The following GPD2 variants were observed in gnomAD, a reference collection of about 807,000 sequenced individuals.
GPD2 encodes the protein glycerol-3-phosphate dehydrogenase, mitochondrial.
In GPD2, 54 loss-of-function variants were observed where a neutral mutation model predicts 82.4. That is an observed-to-expected ratio of 0.66 (90% CI 0.53 to 0.82). GPD2 has a LOEUF of 0.82. GPD2 is among the 40% of genes least tolerant of loss of function. The probability of loss-of-function intolerance (pLI) is 0.00; values close to 1 mark genes in which losing one functional copy is unlikely to be tolerated. For missense variants in GPD2, 748 were observed against 896.2 expected (o/e 0.83, Z 2.11); for synonymous variants, 288 against 306.1 (o/e 0.94, Z 0.62).
chr2:156,476,212 GT>G lies in GPD2; in HGVS notation c.102+6del. ...GCTCATTACAGAAGGAAACAAGTAA[GT>G]AACTGTACTTGTGTTGATTACAGTA... On this transcript the variant is annotated splice_donor_region_variant and intron_variant, in intron 2 of 16. Transcript: ENST00000438166. 1 of 1,447,622 alleles carries G rather than the reference GT, an allele frequency of 6.9e-7. No homozygotes were observed. Among genetic ancestry groups the G allele is most frequent in the Non-Finnish European group, 9.7e-7 (1 of 1,028,150 alleles). The allele number at this position is 1,447,622 out of a possible 1,614,324, so 89.7% of individuals were successfully genotyped here. A position where few individuals can be genotyped will look rare whatever the true frequency, so the allele number is the denominator to read the frequency against.
intron 3 of GPD2, among the ~76,000 whole-genome samples, chr2:156,497,088 G>T (rs1558928655): frequency 6.6e-6 from 1 of 152,124 alleles, no homozygotes; most frequent in South Asian, 2.1e-4. Flanking sequence ...TTTGGCTGTG[G>T]GTATTAGCGT....
In GPD2 at chr2:156,582,956, C is replaced by G. The variant is rs192871271; in HGVS notation, c.*38C>G. 2.5e-6 allele frequency: 4 copies of G among 1,607,518 alleles called. No homozygotes were observed. The African/African-American group carries it at 5.4e-5, about 22-fold the overall frequency. ...AATCCACAGCCAACAAACATAGAAA[C>G]GACAAATCACCATGTAACAACCAGA... is the stretch of plus-strand genomic sequence containing the variant. On this transcript the variant is annotated 3_prime_UTR_variant, in exon 17 of 17. Transcript: ENST00000438166.
chr2:156,476,023 A>G, intron 1 of GPD2, 75 bp from the exon 2 acceptor site: 1 of 801,982 alleles, frequency 1.2e-6, no homozygotes, highest in Non-Finnish European at 2.3e-6. Flanking sequence ...TAATCTACAC[A>G]GTGTCTTATT....
chr2:156,472,815 A>G (rs1031195054), intron 1 of GPD2, among the ~76,000 whole-genome samples: 1 of 152,334 alleles, frequency 6.6e-6, no homozygotes, highest in South Asian at 2.1e-4. Flanking sequence ...TTTTGAGACC[A>G]AAGGCAGGAC....
chr2:156,550,559 A>G, intron 7 of GPD2, 43 bp from the exon 8 acceptor site: 1 of 1,600,870 alleles, frequency 6.2e-7, no homozygotes, highest in Non-Finnish European at 8.6e-7. Context: ...CCGTTAACAG[A>G]GAAACAAATG....
At chr2:156,524,018 T>G (rs1685514814) in intron 6 of GPD2, among the ~76,000 whole-genome samples, 1 of 152,200 alleles carries the variant, frequency 6.6e-6, no homozygotes, top group African/African-American at 2.4e-5. Flanking sequence ...CAGGGGCACA[T>G]GTACAGGTTT....
chr2:156,457,669 C>T lies in GPD2; in HGVS notation c.-8-18429C>T, dbSNP rs528585970. 3.3e-5 allele frequency among the ~76,000 whole-genome samples: 5 copies of T among 152,266 alleles called. No individual in the cohort carries two copies. In the South Asian group the frequency reaches 6.2e-4, roughly 19 times the overall value. The stretch of plus-strand genomic sequence containing the variant: ...TGAGTGTTAAGTGTACTTGGTTGTT[C>T]AGAACAAAGTGCTGGTTAGGCCAAA... On this transcript the variant is annotated intron_variant, in intron 1 of 16. Coordinates refer to ENST00000438166, the MANE Select transcript of GPD2 (RefSeq NM_000408.5).
chr2:156,448,408 G>A (rs1682444395), intron 1 of GPD2, among the ~76,000 whole-genome samples: 1 of 152,118 alleles, frequency 6.6e-6, no homozygotes, highest in Non-Finnish European at 1.5e-5. Flanking sequence ...CACTGCGCCT[G>A]GCCTATGTCA....
chr2:156,476,469 A>G (rs984733966), intron 2 of GPD2, among the ~76,000 whole-genome samples: 1 of 152,196 alleles, frequency 6.6e-6, no homozygotes, highest in African/African-American at 2.4e-5. Flanking sequence ...AGACTGCTTC[A>G]TTTATAAGTG....
At chr2:156,563,830 T>A (rs1385145150) in intron 9 of GPD2, among the ~76,000 whole-genome samples, 1 of 152,146 alleles carries the variant, frequency 6.6e-6, no homozygotes, top group Non-Finnish European at 1.5e-5. Flanking sequence ...CTCTGTGCTA[T>A]ATGATAGCCA....
rs764921286 is a variant in GPD2, at chr2:156,578,962, A to C, written c.1841A>C (p.Asp614Ala). 6.2e-7 allele frequency: 1 copy of C among 1,610,912 alleles called. No individual in the cohort carries two copies. Among genetic ancestry groups the C allele is most frequent in the East Asian group, 2.2e-5 (1 of 44,790 alleles). ...AAATCTCGATCAGAACAGTTAACAGATCGCTCTGAAATTAGCCTACTGCCT... is the reference window on the plus strand; with the variant it reads ...AAATCTCGATCAGAACAGTTAACAGCTCGCTCTGAAATTAGCCTACTGCCT... ...GYKSRSEQLT[D>A]RSEISLLPSD... Residue 614 changes from aspartate to alanine, a missense_variant, in exon 14 of 17, where the codon GAT (aspartate) becomes GCT (alanine). By Grantham distance (126) the Asp-to-Ala change is moderately radical. Coordinates refer to ENST00000438166, the MANE Select transcript of GPD2 (RefSeq NM_000408.5).
intron 1 of GPD2, among the ~76,000 whole-genome samples, chr2:156,446,463 G>T (rs1682373825): frequency 6.6e-6 from 1 of 152,270 alleles, no homozygotes; most frequent in South Asian, 2.1e-4. Context: ...AGTCTGTTGT[G>T]TAGTGATACT....
chr2:156,439,513 G>GACAAAAAA (rs1682066868), intron 1 of GPD2, among the ~76,000 whole-genome samples: 1 of 31,622 alleles, frequency 3.2e-5, no homozygotes, highest in Non-Finnish European at 5.1e-5. Flanking sequence ...GACTGTCTCA[G>GACAAAAAA]AAAAAAAAAA....
At chr2:156,520,814 GAGCTC>G (rs1211602940) in intron 6 of GPD2, among the ~76,000 whole-genome samples, 2 of 152,112 alleles carry the variant, frequency 1.3e-5, no homozygotes, top group African/African-American at 4.8e-5. Context: ...TCGAACACCT[GAGCTC>G]TGGCAGTCCG....
At chr2:156,421,723 CCT>C in the GPD2 span, among the ~76,000 whole-genome samples, 1 of 152,180 alleles carries the variant, frequency 6.6e-6, no homozygotes, top group Non-Finnish European at 1.5e-5. Flanking sequence ...TGAACTTCTT[CCT>C]GTTGATGTTT....
At chr2:156,448,675 A>G (rs298232) in intron 1 of GPD2, among the ~76,000 whole-genome samples, 48,389 of 152,104 alleles carry the variant, frequency 0.32, 9,200 homozygotes, top group Non-Finnish European at 0.44. Flanking sequence ...CATTCCAGGT[A>G]GAGGCAGCTG....
chr2:156,417,667 C>G, the GPD2 span, among the ~76,000 whole-genome samples: 2 of 151,682 alleles, frequency 1.3e-5, no homozygotes, highest in African/African-American at 4.8e-5. Context: ...GAATATAATT[C>G]CATGGGTAAT....
At chr2:156,502,715 T>C (rs1018823820) in intron 3 of GPD2, among the ~76,000 whole-genome samples, 3 of 152,206 alleles carry the variant, frequency 2.0e-5, no homozygotes, top group Non-Finnish European at 4.4e-5. Context: ...CAGGAGCCTC[T>C]GTGCCTGGCC....
chr2:156,488,513 G>T (rs1684030065), intron 2 of GPD2, among the ~76,000 whole-genome samples: 1 of 152,090 alleles, frequency 6.6e-6, no homozygotes, highest in Non-Finnish European at 1.5e-5. Context: ...AGGACAACCT[G>T]GTTGTTAATT....
Sources: gnomAD v4.1 joint callset for allele counts (sites outside exome capture counted in the v4.1 genomes callset) on GRCh38, gnomAD v4.1.1 for gene constraint, MANE v1.5 for transcripts, NCBI Gene and HGNC (gene_info 2026-07-23, HGNC 2026-07-21) for gene names.